DHRSX: variants seen among roughly 807,000 people sequenced by gnomAD.
DHRSX encodes the protein polyprenol dehydrogenase.
DHRSX carries 31 observed loss-of-function variants against 34.0 expected under a neutral mutation model. The observed-to-expected ratio is 0.91, with a 90% CI of 0.69 to 1.23. DHRSX has a LOEUF of 1.23. Ranked by LOEUF, DHRSX falls within the 50% of genes most tolerant of loss-of-function variation. The probability of loss-of-function intolerance (pLI) is 0.00; values close to 1 mark genes in which losing one functional copy is unlikely to be tolerated. For synonymous variants in DHRSX, 201 were observed against 183.8 expected, an observed-to-expected ratio of 1.09 and a Z score of -0.76; for missense variants, 414 against 428.1, an observed-to-expected ratio of 0.97 and a Z score of 0.29.
At chrX:2,489,333 G>A in intron 1 of DHRSX, 5 of 1,613,340 alleles carry the variant, frequency 3.1e-6, no homozygotes, top group Non-Finnish European at 4.2e-6. Flanking sequence ...TCGATCTCGG[G>A]CGTCTCCTGG....
intron 6 of DHRSX, among the ~76,000 whole-genome samples, chrX:2,238,025 G>C (rs1314134361): frequency 6.6e-6 from 1 of 152,112 alleles, no homozygotes; most frequent in Non-Finnish European, 1.5e-5. Flanking sequence ...GCATGTCTCA[G>C]CATGAAGAAT....
chrX:2,500,887 G>C lies in DHRSX; in HGVS notation c.39C>G (p.Val13=). 1.7e-6 allele frequency: 2 copies of C among 1,146,452 alleles called. No homozygotes were observed. The highest frequency in any genetic ancestry group is 9.7e-5 in the East Asian group (2 of 20,554). The allele number at this position is 1,146,452 out of a possible 1,614,324, so 71.0% of individuals were successfully genotyped here. Residue 13 remains valine, a synonymous_variant, in exon 1 of 7, where the codon GTC becomes GTG. Coordinates refer to ENST00000334651, the MANE Select transcript of DHRSX (RefSeq NM_145177.3). ...PLSAARAALR[V]YAVGAAVILA... ...GGATCACCGCGGCGCCTACCGCGTA[G>C]ACCCGCAGGGCCGCCCGCGCCGCAG...
chrX:2,332,911 G>GA (rs1569490258), intron 3 of DHRSX, among the ~76,000 whole-genome samples: 1 of 152,074 alleles, frequency 6.6e-6, no homozygotes, highest in African/African-American at 2.4e-5. Context: ...ACCATTTTAC[G>GA]AAAAGACTCA....
intron 1 of DHRSX, among the ~76,000 whole-genome samples, chrX:2,467,416 C>T (rs941621832): frequency 6.6e-6 from 1 of 152,202 alleles, no homozygotes; most frequent in Non-Finnish European, 1.5e-5. Flanking sequence ...TCCTCACCAG[C>T]CTCAGGAACG....
intron 4 of DHRSX, among the ~76,000 whole-genome samples, chrX:2,288,230 TTTG>T (rs1324962396): frequency 4.6e-5 from 7 of 152,060 alleles, no homozygotes; most frequent in African/African-American, 1.7e-4. Flanking sequence ...CATTGCTGGC[TTTG>T]TTGTTGTTTT....
intron 3 of DHRSX, among the ~76,000 whole-genome samples, chrX:2,309,146 G>C (rs1471527564): frequency 6.6e-6 from 1 of 152,046 alleles, no homozygotes; most frequent in Non-Finnish European, 1.5e-5. Context: ...CAGACCAATA[G>C]CTATAAGAAA....
At chrX:2,310,327 G>A (rs2042147603) in intron 3 of DHRSX, among the ~76,000 whole-genome samples, 1 of 152,020 alleles carries the variant, frequency 6.6e-6, no homozygotes, top group Admixed American at 6.6e-5. Context: ...CAAGAAGGAG[G>A]GCAGATTGGT....
At chrX:2,427,089 G>A (rs1456894210) in intron 1 of DHRSX, among the ~76,000 whole-genome samples, 1 of 152,216 alleles carries the variant, frequency 6.6e-6, no homozygotes, top group African/African-American at 2.4e-5. Context: ...TTCCAGTTAT[G>A]AATGAACTTC....
intron 1 of DHRSX, among the ~76,000 whole-genome samples, chrX:2,434,467 G>A (rs957118958): frequency 3.3e-5 from 5 of 152,126 alleles, no homozygotes; most frequent in Admixed American, 6.6e-5. Flanking sequence ...CTAGGAGCAC[G>A]AGGCCCAGCC....
At chrX:2,418,016 C>G (rs930476843) in intron 2 of DHRSX, among the ~76,000 whole-genome samples, 10 of 151,490 alleles carry the variant, frequency 6.6e-5, no homozygotes, top group African/African-American at 2.4e-4. Flanking sequence ...TGTGACCTAA[C>G]TCAACTACAT....
chrX:2,493,697 C>G (rs5939493), intron 1 of DHRSX, among the ~76,000 whole-genome samples: 14,910 of 152,156 alleles, frequency 0.098, 911 homozygotes, highest in African/African-American at 0.17. Context: ...GCACCAGGCA[C>G]AGCGGCTCAC....
intron 3 of DHRSX, among the ~76,000 whole-genome samples, chrX:2,367,899 T>C (rs1226017265): frequency 3.9e-5 from 6 of 152,100 alleles, no homozygotes; most frequent in Non-Finnish European, 7.4e-5. Flanking sequence ...TGCTAAACAA[T>C]GAAAAAGATA....
chrX:2,257,293 G>T (rs941852164), intron 5 of DHRSX, among the ~76,000 whole-genome samples: 1 of 152,158 alleles, frequency 6.6e-6, no homozygotes, highest in Non-Finnish European at 1.5e-5. Flanking sequence ...CATATGTGAC[G>T]CAGGGATGAC....
chrX:2,492,134 C>T (rs1250866213), intron 1 of DHRSX, among the ~76,000 whole-genome samples: 1 of 152,158 alleles, frequency 6.6e-6, no homozygotes. Context: ...TCCTCCCCTA[C>T]CAAAGAAAAT....
At chrX:2,432,989 C>T (rs183422181) in intron 1 of DHRSX, among the ~76,000 whole-genome samples, 5 of 151,684 alleles carry the variant, frequency 3.3e-5, no homozygotes, top group South Asian at 4.2e-4. Flanking sequence ...CCGGGTGTGG[C>T]GGTGCGTGCC....
At chrX:2,263,578 A>T (rs1232766209) in intron 5 of DHRSX, among the ~76,000 whole-genome samples, 2 of 138,978 alleles carry the variant, frequency 1.4e-5, no homozygotes, top group Non-Finnish European at 3.0e-5. Context: ...CAGTGGCGTG[A>T]TCTTGGCTCA....
chrX:2,336,316 G>A (rs1376726173), intron 3 of DHRSX: 1 of 152,080 alleles, frequency 6.6e-6, no homozygotes, highest in Non-Finnish European at 1.5e-5. Flanking sequence ...CTGCAGTAGT[G>A]AGTCTTAGTC....
At chrX:2,373,043 A>C (rs1471579089) in intron 3 of DHRSX, among the ~76,000 whole-genome samples, 3 of 152,184 alleles carry the variant, frequency 2.0e-5, no homozygotes, top group Admixed American at 6.5e-5. Context: ...ATGGACTCAC[A>C]GTTCCACGGG....
At chrX:2,341,215 G>A (rs1169102976) in intron 3 of DHRSX, among the ~76,000 whole-genome samples, 3 of 152,050 alleles carry the variant, frequency 2.0e-5, no homozygotes, top group African/African-American at 4.8e-5. Context: ...CACCGCACAC[G>A]CTTGCATTCC....
Sources: allele counts gnomAD v4.1 joint callset (sites outside exome capture counted in the v4.1 genomes callset), GRCh38; gene constraint gnomAD v4.1.1; transcripts MANE v1.5; gene names NCBI Gene and HGNC (gene_info 2026-07-23, HGNC 2026-07-21).